Variants in DDR2 observed in about 807,000 individuals in gnomAD.
DDR2 encodes the protein discoidin domain-containing receptor 2.
DDR2 carries 27 observed loss-of-function variants against 94.9 expected under a neutral mutation model. The observed-to-expected ratio is 0.28, with a 90% CI of 0.21 to 0.39. The LOEUF (loss-of-function observed/expected upper bound fraction) is 0.39, where lower values mean the gene tolerates loss of function less well. Ranked by LOEUF, DDR2 falls within the 10% of genes least tolerant of loss-of-function variation. The probability of loss-of-function intolerance (pLI) is 1.00; values close to 1 mark genes in which losing one functional copy is unlikely to be tolerated. For synonymous variants in DDR2, 382 were observed against 377.2 expected, an observed-to-expected ratio of 1.01 and a Z score of -0.15; for missense variants, 783 against 1,076.0, an observed-to-expected ratio of 0.73 and a Z score of 3.81.
At chr1:162,777,394 T>G (rs1052941325) in intron 16 of DDR2, among the ~76,000 whole-genome samples, 14 of 152,146 alleles carry the variant, frequency 9.2e-5, no homozygotes, top group Admixed American at 9.2e-4. Flanking sequence ...TGTAGATATA[T>G]ACTATAACTT....
intron 2 of DDR2, among the ~76,000 whole-genome samples, chr1:162,676,790 A>T (rs1416872498): frequency 6.6e-6 from 1 of 152,162 alleles, no homozygotes; most frequent in Non-Finnish European, 1.5e-5. Flanking sequence ...GACGGAAGTG[A>T]GGCTCACTAA....
intron 3 of DDR2, among the ~76,000 whole-genome samples, chr1:162,751,755 C>T (rs930275511): frequency 1.3e-5 from 2 of 152,162 alleles, no homozygotes; most frequent in African/African-American, 4.8e-5. Context: ...CCCAAATGTC[C>T]ATCAATGATA....
chr1:162,712,200 T>A (rs1660949020), intron 2 of DDR2, among the ~76,000 whole-genome samples: 1 of 148,108 alleles, frequency 6.8e-6, no homozygotes, highest in African/African-American at 2.5e-5. Flanking sequence ...CAAGAGCTGA[T>A]CTAGGATGCC....
chr1:162,658,628 G>A (rs1045388982), intron 2 of DDR2, among the ~76,000 whole-genome samples: 1 of 145,958 alleles, frequency 6.9e-6, no homozygotes, highest in Non-Finnish European at 1.5e-5. Flanking sequence ...AGGTTGGAGA[G>A]CAGCTTGGGC....
At chr1:162,725,299 T>A (rs972254331) in intron 3 of DDR2, among the ~76,000 whole-genome samples, 2 of 152,198 alleles carry the variant, frequency 1.3e-5, no homozygotes, top group African/African-American at 4.8e-5. Flanking sequence ...CCAGCAAGCA[T>A]GCTCTTTTCT....
chr1:162,716,074 A>G (rs1661155045), intron 2 of DDR2, among the ~76,000 whole-genome samples: 1 of 151,864 alleles, frequency 6.6e-6, no homozygotes, highest in Non-Finnish European at 1.5e-5. Flanking sequence ...TTTGAAGTTA[A>G]TGATTAAATG....
intron 3 of DDR2, among the ~76,000 whole-genome samples, chr1:162,736,300 C>T (rs1571264096): frequency 6.6e-6 from 1 of 152,236 alleles, no homozygotes; most frequent in African/African-American, 2.4e-5. Flanking sequence ...TAATAGAACT[C>T]TCTTGCTTTC....
chr1:162,760,317 A>G (rs1663651998), intron 8 of DDR2, among the ~76,000 whole-genome samples: 1 of 151,872 alleles, frequency 6.6e-6, no homozygotes, highest in Non-Finnish European at 1.5e-5. Flanking sequence ...GGTGAAAAAA[A>G]TAAATTTTTA....
At position 162,718,844 on chromosome 1, in the gene DDR2, T is replaced by C. The variant is rs115745670; in HGVS notation, c.-27-193T>C. Among the ~76,000 whole-genome samples, 1,860 of 152,286 alleles carry C rather than the reference T, an allele frequency of 0.012. 46 individuals are homozygous for C. Among genetic ancestry groups the C allele is most frequent in the African/African-American group, 0.043 (1,768 of 41,558 alleles). ...GTGCAATCTGATAGAGTTTGAAAAT[T>C]ATTATATTAGGTGATTATTGGATGT... On this transcript the variant is annotated intron_variant, in intron 2 of 17. Transcript: ENST00000367921.
intron 3 of DDR2, among the ~76,000 whole-genome samples, chr1:162,731,938 C>T (rs1327098627): frequency 6.6e-6 from 1 of 152,174 alleles, no homozygotes; most frequent in East Asian, 1.9e-4. Flanking sequence ...TGCATAGCTA[C>T]CCAGTTTCCT....
At chr1:162,734,113 A>T (rs1020876289) in intron 3 of DDR2, among the ~76,000 whole-genome samples, 2 of 152,230 alleles carry the variant, frequency 1.3e-5, no homozygotes, top group Non-Finnish European at 2.9e-5. Flanking sequence ...ACACAGCAAA[A>T]ACTTATTTAT....
Position 162,770,479 on chromosome 1 carries a change from C to T in DDR2, c.1471C>T (p.Leu491Phe). 6.2e-7 allele frequency: 1 copy of T among 1,614,160 alleles called. No homozygotes were observed. The highest frequency in any genetic ancestry group is 8.5e-7 in the Non-Finnish European group (1 of 1,180,036). ...GGAGCCATCCAGGCTGATACGAAAA[C>T]TCCCAGAATTTGCTCCAGGGGAGGA... ...YQEPSRLIRK[L>F]PEFAPGEEES... The change falls in exon 12 of 18, where the codon CTC becomes TTC. Residue 491 changes from leucine (L) to phenylalanine (F), a missense_variant. By Grantham distance (22) the Leu-to-Phe change is conservative. This residue lies in a region of DDR2 where 519 missense variants were observed against 647.9 expected (regional missense o/e 0.80). Transcript: ENST00000367921.
At chr1:162,706,864 C>T (rs1158292465) in intron 2 of DDR2, among the ~76,000 whole-genome samples, 1 of 152,086 alleles carries the variant, frequency 6.6e-6, no homozygotes, top group African/African-American at 2.4e-5. Flanking sequence ...GTTAAAGTAA[C>T]ACAGAAGAGA....
intron 2 of DDR2, among the ~76,000 whole-genome samples, chr1:162,665,460 C>T (rs1489658790): frequency 2.0e-5 from 3 of 152,086 alleles, no homozygotes; most frequent in Admixed American, 2.0e-4. Flanking sequence ...CTTAAGTGGC[C>T]CCTGCCCACC....
intron 2 of DDR2, among the ~76,000 whole-genome samples, chr1:162,678,821 G>A (rs1024345332): frequency 1.3e-5 from 2 of 152,228 alleles, no homozygotes; most frequent in Admixed American, 1.3e-4. Context: ...CTCCAGGCTG[G>A]ACTTGGTGAG....
At chr1:162,656,833 GTT>G (rs761726921) in intron 2 of DDR2, among the ~76,000 whole-genome samples, 1,420 of 65,774 alleles carry the variant, frequency 0.022, 86 homozygotes, top group African/African-American at 0.065. Flanking sequence ...TGCCACTGGA[GTT>G]TTTTTTTTTT....
intron 17 of DDR2, 140 bp downstream of exon 17, chr1:162,778,869 G>T: frequency 1.7e-6 from 2 of 1,162,628 alleles, no homozygotes; most frequent in South Asian, 1.3e-5. Flanking sequence ...CTATCCAGAT[G>T]ATGTGAAAGA....
chr1:162,662,978 G>A (rs1011775876), intron 2 of DDR2, among the ~76,000 whole-genome samples: 1 of 152,136 alleles, frequency 6.6e-6, no homozygotes, highest in African/African-American at 2.4e-5. Flanking sequence ...CAAGCTCGAT[G>A]TCTCTGCCAT....
At chr1:162,689,842 T>TAAAAAAAAAAAAAAA (rs1158650637) in intron 2 of DDR2, among the ~76,000 whole-genome samples, 8 of 10,926 alleles carry the variant, frequency 7.3e-4, no homozygotes, top group Non-Finnish European at 1.5e-3. Context: ...CATCTCTACT[T>TAAAAAAAAAAAAAAA]AAAAAAAAAA....
Sources: gnomAD v4.1 joint callset for allele counts (sites outside exome capture counted in the v4.1 genomes callset) on GRCh38, gnomAD v4.1.1 for gene constraint, gnomAD v4.1.1 regional missense constraint, MANE v1.5 for transcripts, NCBI Gene and HGNC (gene_info 2026-07-23, HGNC 2026-07-21) for gene names.